Variants in TP53BP2 observed in about 807,000 individuals in gnomAD.
TP53BP2 encodes apoptosis-stimulating of p53 protein 2.
In TP53BP2, 62 loss-of-function variants were observed where a neutral mutation model predicts 126.2. That is an observed-to-expected ratio of 0.49 (90% CI 0.40 to 0.61). TP53BP2 has a LOEUF of 0.61. Ranked by LOEUF, TP53BP2 falls within the 20% of genes least tolerant of loss-of-function variation. The pLI is 0.00. For missense variants in TP53BP2, 1,215 were observed against 1,402.8 expected, an observed-to-expected ratio of 0.87 and a Z score of 2.14; for synonymous variants, 485 against 502.9, an observed-to-expected ratio of 0.96 and a Z score of 0.48.
At chr1:223,803,208 A>G (rs2102854071) in intron 7 of TP53BP2, 63 bp downstream of exon 7, 5 of 1,521,916 alleles carry the variant, frequency 3.3e-6, no homozygotes, top group Non-Finnish European at 4.4e-6. Flanking sequence ...CTTGCTACTT[A>G]TATGAGCAAC....
chr1:223,811,918 T>C lies in TP53BP2; in HGVS notation c.290-1405A>G, dbSNP rs181744621. 3.3e-4 allele frequency among the ~76,000 whole-genome samples: 51 copies of C among 152,242 alleles called. No individual in the cohort carries two copies. The East Asian group carries it at 8.5e-3, about 25-fold the overall frequency. On this transcript the variant is annotated intron_variant, in intron 3 of 17. Transcript: ENST00000343537. ...ACACTGAAACTGCATATTGCACTAT[T>C]GAGAGACTATTTAATAATTTATCCA...
chr1:223,799,658 CTTTT>C, intron 11 of TP53BP2, among the ~76,000 whole-genome samples: 1 of 152,174 alleles, frequency 6.6e-6, no homozygotes. Context: ...TGCACTTATA[CTTTT>C]TAGAGAATCA....
At chr1:223,831,466 TA>T (rs1157082703) in intron 1 of TP53BP2, among the ~76,000 whole-genome samples, 198 of 43,662 alleles carry the variant, frequency 4.5e-3, no homozygotes, top group Middle Eastern at 0.028. Context: ...ATGTACCATC[TA>T]AAAAAAAAAA....
At chr1:223,809,287 T>C (rs976368358) in intron 4 of TP53BP2, among the ~76,000 whole-genome samples, 2 of 152,074 alleles carry the variant, frequency 1.3e-5, no homozygotes, top group Non-Finnish European at 2.9e-5. Context: ...AAAGAAAAGC[T>C]CAGGCACCAT....
At chr1:223,785,367 A>G (rs1661917012) in intron 16 of TP53BP2, among the ~76,000 whole-genome samples, 1 of 152,230 alleles carries the variant, frequency 6.6e-6, no homozygotes, top group South Asian at 2.1e-4. Flanking sequence ...GGCTCTGCCA[A>G]TCTAAAGAGA....
At position 223,780,503 on chromosome 1, in the gene TP53BP2, C is replaced by G. The variant is rs1165985852; in HGVS notation, c.*350G>C. ...GGTTTAGGAGCAGCTGCTGAAAACA[C>G]TCAACAGGACAGAGAGCTGATTTCC... On this transcript the variant is annotated 3_prime_UTR_variant, in exon 18 of 18. Transcript: ENST00000343537. 2 of 198,582 alleles carry G rather than the reference C, an allele frequency of 1.0e-5. No individual in the cohort carries two copies. The highest frequency in any genetic ancestry group is 2.0e-5 in the Non-Finnish European group (2 of 97,578). The allele number at this position is 198,582 out of a possible 1,614,324, so 12.3% of individuals were successfully genotyped here.
intron 16 of TP53BP2, among the ~76,000 whole-genome samples, chr1:223,787,455 CAT>C (rs1205659001): frequency 4.0e-5 from 6 of 151,852 alleles, no homozygotes; most frequent in African/African-American, 1.5e-4. Flanking sequence ...GAGTTTAAAA[CAT>C]AAACAAAGGC....
chr1:223,789,034 T>A lies in TP53BP2; in HGVS notation c.3137A>T (p.Tyr1046Phe). The A allele has an allele frequency of 6.2e-7, 1 of 1,614,172 alleles. No individual in the cohort carries two copies. Among genetic ancestry groups the A allele is most frequent in the Non-Finnish European group, 8.5e-7 (1 of 1,180,000 alleles). Residue 1046 changes from tyrosine (Y) to phenylalanine (F), a missense_variant, in exon 16 of 18, where the codon TAC becomes TTC. Transcript: ENST00000343537. Reference sequence around the variant, plus strand: ...ATAAAGAAATTGGGAGCACTGAGTGTAGCCTTCCTCCATTTCCTCGCACTT... The same window carrying A: ...ATAAAGAAATTGGGAGCACTGAGTGAAGCCTTCCTCCATTTCCTCGCACTT... Reference protein sequence around the residue: ...ADKCEEMEEGYTQCSQFLYGV... With the variant: ...ADKCEEMEEGFTQCSQFLYGV...
intron 13 of TP53BP2, among the ~76,000 whole-genome samples, chr1:223,793,711 T>C (rs774940256): frequency 4.6e-5 from 7 of 152,236 alleles, no homozygotes; most frequent in Non-Finnish European, 7.3e-5. Context: ...TTGGGTTATA[T>C]GTTATAGTAT....
chr1:223,787,973 G>A (rs1036502774), intron 16 of TP53BP2, among the ~76,000 whole-genome samples: 2 of 152,118 alleles, frequency 1.3e-5, no homozygotes, highest in African/African-American at 2.4e-5. Flanking sequence ...AAAGACTGAG[G>A]CAGAAGGGTC....
At chr1:223,842,287 G>A (rs1039596382) in intron 1 of TP53BP2, among the ~76,000 whole-genome samples, 2 of 152,118 alleles carry the variant, frequency 1.3e-5, no homozygotes, top group Non-Finnish European at 1.5e-5. Context: ...TGATGACATC[G>A]GTTTGACTGC....
intron 1 of TP53BP2, among the ~76,000 whole-genome samples, chr1:223,839,472 C>T (rs962080424): frequency 6.6e-6 from 1 of 152,120 alleles, no homozygotes; most frequent in Non-Finnish European, 1.5e-5. Flanking sequence ...CAGTAAATTG[C>T]CTTAATCATT....
chr1:223,802,784 T>A lies in TP53BP2; in HGVS notation c.943A>T (p.Arg315Trp). The A allele has an allele frequency of 8.1e-6, 13 of 1,614,202 alleles. No individual in the cohort carries two copies. The highest frequency in any genetic ancestry group is 1.1e-5 in the Non-Finnish European group (13 of 1,180,022). ...AVMDKRVNELRDRLWKKKAAL... is the reference protein window; with the variant it reads ...AVMDKRVNELWDRLWKKKAAL... ...GCCTTCTTCTTCCACAGCCGGTCCC[T>A]CAGCTCATTAACACGCTTATCCATG... is the stretch of plus-strand genomic sequence containing the variant. The change falls in exon 8 of 18, where the codon AGG becomes TGG. Residue 315 changes from arginine (R) to tryptophan (W), a missense_variant. By Grantham distance (101) the Arg-to-Trp change is moderately radical (BLOSUM62 -3). Transcript: ENST00000343537.
chr1:223,833,068 C>T (rs1248811300), intron 1 of TP53BP2, among the ~76,000 whole-genome samples: 2 of 152,168 alleles, frequency 1.3e-5, no homozygotes, highest in Non-Finnish European at 2.9e-5. Context: ...TCACTGCTTA[C>T]AAAGGCCTAT....
intron 1 of TP53BP2, among the ~76,000 whole-genome samples, chr1:223,827,613 T>C (rs1320908380): frequency 4.6e-5 from 7 of 152,198 alleles, no homozygotes; most frequent in Non-Finnish European, 1.0e-4. Flanking sequence ...AAGGAGTGTT[T>C]TGTTTTTATC....
At chr1:223,843,807 T>C (rs1201879613) in intron 1 of TP53BP2, among the ~76,000 whole-genome samples, 1 of 152,208 alleles carries the variant, frequency 6.6e-6, no homozygotes, top group African/African-American at 2.4e-5. Flanking sequence ...AAAAGTTTTA[T>C]TTTCAAATAT....
intron 1 of TP53BP2, among the ~76,000 whole-genome samples, chr1:223,828,992 A>G (rs1011244007): frequency 6.7e-6 from 1 of 148,574 alleles, no homozygotes; most frequent in Non-Finnish European, 1.5e-5. Context: ...ATATCACTTT[A>G]AAAAAAAAAG....
rs367819365 is a variant in TP53BP2 at position 223,839,643 on chromosome 1, C to G, written c.27+6011G>C. Among the ~76,000 whole-genome samples, 14 of 152,272 alleles carry G rather than the reference C, an allele frequency of 9.2e-5. No individual in the cohort carries two copies. In the East Asian group the frequency reaches 2.1e-3, roughly 23 times the overall value. On this transcript the variant is annotated intron_variant, in intron 1 of 17. Transcript: ENST00000343537. ...TATAAATCTGTATCCAGAAAAACAA[C>G]TGAAGTGAAAGTTCGGCCAACTGCG...
intron 1 of TP53BP2, among the ~76,000 whole-genome samples, chr1:223,840,740 T>C (rs1389221557): frequency 6.6e-6 from 1 of 152,220 alleles, no homozygotes; most frequent in Non-Finnish European, 1.5e-5. Flanking sequence ...AACACAGCTC[T>C]TCCTAGAAGC....
Sources: allele counts gnomAD v4.1 joint callset (sites outside exome capture counted in the v4.1 genomes callset), GRCh38; gene constraint gnomAD v4.1.1; transcripts MANE v1.5; gene names NCBI Gene and HGNC (gene_info 2026-07-23, HGNC 2026-07-21).